Variants in TOGARAM2 observed in about 807,000 individuals in gnomAD.
TOGARAM2 encodes TOG array regulator of axonemal microtubules protein 2.
TOGARAM2 carries 85 observed loss-of-function variants against 93.3 expected under a neutral mutation model. The ratio of observed to expected loss-of-function variants is 0.91; its 90% CI spans 0.76 to 1.09. TOGARAM2 has a LOEUF of 1.09. TOGARAM2 is among the 50% of genes least tolerant of loss of function. The pLI is 0.00. For synonymous variants in TOGARAM2, 593 were observed against 552.8 expected, an observed-to-expected ratio of 1.07 and a Z score of -1.02; for missense variants, 1,277 against 1,334.5, an observed-to-expected ratio of 0.96 and a Z score of 0.67.
intron 6 of TOGARAM2, among the ~76,000 whole-genome samples, chr2:29,004,905 TGTGTGTGCATGTGTAC>T (rs200424333): frequency 0.045 from 3,080 of 68,462 alleles, 77 homozygotes; most frequent in Non-Finnish European, 0.055. Context: ...TGTGAGTGCA[TGTGTGTGCATGTGTAC>T]GTGTGTGAGT....
chr2:28,994,316 T>C (rs1672884220), intron 1 of TOGARAM2, among the ~76,000 whole-genome samples: 2 of 152,248 alleles, frequency 1.3e-5, no homozygotes, highest in South Asian at 4.2e-4. Context: ...AACACCTGTG[T>C]GATCAGTGGT....
intron 4 of TOGARAM2, 59 bp from the exon 5 acceptor site, chr2:29,002,477 C>A: frequency 6.7e-7 from 1 of 1,500,946 alleles, no homozygotes; most frequent in Non-Finnish European, 9.1e-7. Context: ...GGTCTGAATC[C>A]ACCTTCCACT....
At chr2:29,035,433 G>A (rs771040675) in intron 16 of TOGARAM2, 31 bp from the exon 17 acceptor site, 2 of 1,327,526 alleles carry the variant, frequency 1.5e-6, no homozygotes, top group Non-Finnish European at 9.7e-7. Context: ...GCTCTTCCCT[G>A]GGGGGTTCAG....
intron 12 of TOGARAM2, among the ~76,000 whole-genome samples, chr2:29,023,514 G>C (rs1362605310): frequency 6.6e-6 from 1 of 152,214 alleles, no homozygotes; most frequent in Non-Finnish European, 1.5e-5. Flanking sequence ...CCAGGGCAGT[G>C]GTAGTATTTC....
chr2:28,963,011 A>G (rs1031935019), intron 1 of TOGARAM2, among the ~76,000 whole-genome samples: 1 of 151,184 alleles, frequency 6.6e-6, no homozygotes. Flanking sequence ...TGTTTTTTGT[A>G]GAGTTGGGGT....
At chr2:29,012,093 G>C (rs1484670889) in intron 7 of TOGARAM2, among the ~76,000 whole-genome samples, 1 of 152,184 alleles carries the variant, frequency 6.6e-6, no homozygotes, top group African/African-American at 2.4e-5. Flanking sequence ...AGGGTAGGAG[G>C]CCTTTAAAGA....
At position 28,998,195 on chromosome 2, in the gene TOGARAM2, T is replaced by C. The variant is rs1335435355; in HGVS notation, c.81T>C (p.Ser27=). 1 of 1,612,340 alleles carries C rather than the reference T, an allele frequency of 6.2e-7. No homozygotes were observed. ...ACTGCGGGAGCATCCCTCGGACCAG[T>C]GCTGGGCCCCGGGTGCTCCCGCCTG... is the stretch of plus-strand genomic sequence containing the variant. ...AVYCGSIPRT[S]AGPRVLPPGS... The change falls in exon 3 of 20, where the codon AGT becomes AGC. Residue 27 remains serine, a synonymous_variant. Coordinates refer to ENST00000379558, the MANE Select transcript of TOGARAM2 (RefSeq NM_199280.4).
At chr2:29,046,456 C>T (rs183432918) in intron 19 of TOGARAM2, 2 of 152,414 alleles carry the variant, frequency 1.3e-5, no homozygotes, top group East Asian at 1.9e-4. Flanking sequence ...CCTAGACTCC[C>T]GATGGTCCCC....
At chr2:28,991,084 A>T (rs1672713450) in intron 1 of TOGARAM2, among the ~76,000 whole-genome samples, 1 of 151,136 alleles carries the variant, frequency 6.6e-6, no homozygotes, top group Admixed American at 6.6e-5. Context: ...ACCTGACATT[A>T]TTGAGCAATT....
chr2:28,957,623 T>C (rs975699716), intron 1 of TOGARAM2, among the ~76,000 whole-genome samples: 3 of 152,226 alleles, frequency 2.0e-5, no homozygotes, highest in Non-Finnish European at 4.4e-5. Flanking sequence ...GAAGAAATGA[T>C]CTCATTGCTC....
chr2:28,997,037 T>C (rs1673026128), intron 2 of TOGARAM2, among the ~76,000 whole-genome samples: 2 of 152,204 alleles, frequency 1.3e-5, no homozygotes, highest in African/African-American at 4.8e-5. Context: ...TTCAATGTAC[T>C]GATTTACTTT....
intron 18 of TOGARAM2, among the ~76,000 whole-genome samples, chr2:29,038,401 A>G (rs1243945437): frequency 3.3e-5 from 5 of 152,122 alleles, no homozygotes; most frequent in African/African-American, 1.2e-4. Context: ...CCTCAAAGGG[A>G]TGAATGGAGT....
At chr2:28,973,945 T>C (rs1176079963) in intron 1 of TOGARAM2, among the ~76,000 whole-genome samples, 2 of 152,168 alleles carry the variant, frequency 1.3e-5, no homozygotes, top group Non-Finnish European at 2.9e-5. Context: ...CCTGGGTTAA[T>C]AGATTTGTTT....
intron 14 of TOGARAM2, among the ~76,000 whole-genome samples, chr2:29,030,126 A>G (rs1311187289): frequency 6.6e-6 from 1 of 152,084 alleles, no homozygotes; most frequent in Non-Finnish European, 1.5e-5. Context: ...ATACCAAAAT[A>G]TTAGCCGGGC....
At chr2:29,041,361 C>T (rs1358526821) in intron 18 of TOGARAM2, among the ~76,000 whole-genome samples, 3 of 152,204 alleles carry the variant, frequency 2.0e-5, no homozygotes, top group Non-Finnish European at 4.4e-5. Context: ...GTGACTGCAT[C>T]ATAACTTGCA....
At chr2:28,990,805 G>A (rs1672683012) in intron 1 of TOGARAM2, among the ~76,000 whole-genome samples, 1 of 152,072 alleles carries the variant, frequency 6.6e-6, no homozygotes, top group Non-Finnish European at 1.5e-5. Flanking sequence ...GGGCTCATGG[G>A]TGAGAGCTGG....
intron 18 of TOGARAM2, 72 bp from the exon 19 acceptor site, chr2:29,045,251 TG>T: frequency 6.6e-6 from 8 of 1,207,488 alleles, no homozygotes; most frequent in Non-Finnish European, 9.6e-6. Flanking sequence ...TGTGGGTATG[TG>T]GCCCTGCAAA....
chr2:29,034,246 C>T (rs1665948782), intron 16 of TOGARAM2, among the ~76,000 whole-genome samples: 1 of 152,178 alleles, frequency 6.6e-6, no homozygotes, highest in South Asian at 2.1e-4. Flanking sequence ...CCCTCCACAT[C>T]CTCTCTCCCT....
chr2:28,989,498 A>G (rs949660350), intron 1 of TOGARAM2, among the ~76,000 whole-genome samples: 1 of 152,138 alleles, frequency 6.6e-6, no homozygotes, highest in African/African-American at 2.4e-5. Context: ...CCTGCGCTCA[A>G]GTGATCCTCC....
Sources: allele counts gnomAD v4.1 joint callset (sites outside exome capture counted in the v4.1 genomes callset), GRCh38; gene constraint gnomAD v4.1.1; transcripts MANE v1.5; gene names NCBI Gene and HGNC (gene_info 2026-07-23, HGNC 2026-07-21).